The following SLC8A1 variants were observed in gnomAD, a reference collection of about 807,000 sequenced individuals.
SLC8A1 encodes the protein solute carrier family 8 member A1.
SLC8A1 carries 18 observed loss-of-function variants against 68.3 expected under a neutral mutation model. That is an observed-to-expected ratio of 0.26 (90% CI 0.18 to 0.39). The LOEUF is 0.39. SLC8A1 is among the 10% of genes least tolerant of loss of function. The pLI is 1.00. For synonymous variants in SLC8A1, 475 were observed against 415.5 expected (o/e 1.14, Z -1.74); for missense variants, 985 against 1,156.7 (o/e 0.85, Z 2.15).
At chr2:40,472,228 G>A (rs1205568220) in intron 1 of SLC8A1, among the ~76,000 whole-genome samples, 2 of 152,180 alleles carry the variant, frequency 1.3e-5, no homozygotes. Flanking sequence ...ATTGGAAGAT[G>A]TGGATTTAAG....
chr2:40,430,276 T>A lies in SLC8A1; in HGVS notation c.5A>T (p.Tyr2Phe), dbSNP rs115564742. 410 of 1,605,452 alleles carry A rather than the reference T, an allele frequency of 2.6e-4. 3 individuals are homozygous for A. In the African/African-American group the frequency reaches 5.0e-3, roughly 20 times the overall value. The change falls in exon 2 of 8, where the codon TAC becomes TTC. Residue 2 changes from tyrosine (Y) to phenylalanine (F), a missense_variant. Physicochemically the swap from Tyr to Phe is conservative, Grantham distance 22. Coordinates refer to ENST00000406785, the Ensembl canonical transcript of SLC8A1. ...TGAAAGACTTAATCGCCGCATGTTG[T>A]ACATGACACTTCCAACTGTCACAAC...
chr2:40,203,211 T>G (rs996435979), intron 2 of SLC8A1, among the ~76,000 whole-genome samples: 4 of 152,016 alleles, frequency 2.6e-5, no homozygotes, highest in African/African-American at 4.8e-5. Context: ...TGTCACTTAC[T>G]AGAAACTGCA....
chr2:40,507,083 A>G (rs931108955), intron 1 of SLC8A1, among the ~76,000 whole-genome samples: 3 of 152,048 alleles, frequency 2.0e-5, no homozygotes, highest in African/African-American at 7.2e-5. Context: ...AATGTAAGTT[A>G]ATTGTCGAGT....
chr2:40,289,844 G>C (rs1012204795), intron 2 of SLC8A1, among the ~76,000 whole-genome samples: 1 of 151,548 alleles, frequency 6.6e-6, no homozygotes, highest in African/African-American at 2.4e-5. Context: ...TTAGGCGACA[G>C]AGCGAGACTC....
intron 1 of SLC8A1, among the ~76,000 whole-genome samples, chr2:40,466,229 C>A (rs1327081109): frequency 1.3e-5 from 2 of 152,028 alleles, no homozygotes; most frequent in Non-Finnish European, 2.9e-5. Context: ...GTGGCAAGGG[C>A]AGGGGTTGGG....
exon 2 of SLC8A1, chr2:40,430,047 A>T: frequency 1.9e-6 from 3 of 1,613,976 alleles, no homozygotes; most frequent in Non-Finnish European, 2.5e-6. Flanking sequence ...AATACACAGT[A>T]GCTCTAGCAA....
chr2:40,305,914 TA>T (rs2072494644), intron 2 of SLC8A1, among the ~76,000 whole-genome samples: 1 of 152,210 alleles, frequency 6.6e-6, no homozygotes, highest in African/African-American at 2.4e-5. Context: ...AGACAACAAC[TA>T]AGAGGAGCAT....
rs571401270 is a variant in SLC8A1, at chr2:40,127,622, G to A, written c.2437+11779C>T. On this transcript the variant is annotated intron_variant, in intron 7 of 7. Coordinates refer to ENST00000406785, the Ensembl canonical transcript of SLC8A1. ...GTGGGCCTATCTGTGGACCCCAGTG[G>A]GGGTCATTTTAGTCTGGAGCTACAG... 2.0e-5 allele frequency among the ~76,000 whole-genome samples: 3 copies of A among 152,196 alleles called. No individual in the cohort carries two copies. In the East Asian group the frequency reaches 5.8e-4, roughly 29 times the overall value.
chr2:40,173,549 C>A (rs2047931482), intron 4 of SLC8A1, among the ~76,000 whole-genome samples: 1 of 152,196 alleles, frequency 6.6e-6, no homozygotes, highest in African/African-American at 2.4e-5. Flanking sequence ...CATGAAACTG[C>A]ACATATTTAG....
chr2:40,326,999 A>T (rs577800037), intron 2 of SLC8A1, among the ~76,000 whole-genome samples: 1 of 152,220 alleles, frequency 6.6e-6, no homozygotes, highest in South Asian at 2.1e-4. Context: ...GAAACAAAAC[A>T]TTACTTTTGT....
intron 1 of SLC8A1, among the ~76,000 whole-genome samples, chr2:40,462,736 A>G (rs1351680386): frequency 1.3e-5 from 2 of 152,034 alleles, no homozygotes; most frequent in Non-Finnish European, 2.9e-5. Context: ...TTAGCCCAGG[A>G]GTTTGAAGCT....
At chr2:40,136,763 A>G (rs1230053383) in intron 7 of SLC8A1, among the ~76,000 whole-genome samples, 1 of 152,182 alleles carries the variant, frequency 6.6e-6, no homozygotes, top group Admixed American at 6.5e-5. Flanking sequence ...CTGAATCAGC[A>G]GGGTCAAAAA....
At chr2:40,289,758 G>A (rs1230367696) in intron 2 of SLC8A1, among the ~76,000 whole-genome samples, 1 of 152,006 alleles carries the variant, frequency 6.6e-6, no homozygotes, top group Non-Finnish European at 1.5e-5. Context: ...CTACTCAGGA[G>A]GGGAGGAAGG....
intron 2 of SLC8A1, among the ~76,000 whole-genome samples, chr2:40,335,721 C>T (rs1292078878): frequency 2.0e-5 from 3 of 152,218 alleles, no homozygotes; most frequent in African/African-American, 7.2e-5. Context: ...GATCATGAAA[C>T]TGACAAGTGA....
At chr2:40,445,540 A>G (rs1383271728) in intron 1 of SLC8A1, among the ~76,000 whole-genome samples, 3 of 152,208 alleles carry the variant, frequency 2.0e-5, no homozygotes, top group African/African-American at 7.2e-5. Flanking sequence ...GTCTTATAAA[A>G]TCATTTAATT....
At chr2:40,415,452 A>G (rs1171161840) in intron 2 of SLC8A1, among the ~76,000 whole-genome samples, 4 of 152,024 alleles carry the variant, frequency 2.6e-5, no homozygotes, top group South Asian at 2.1e-4. Context: ...AAAACTGCCA[A>G]TGTGGTTTGA....
At chr2:40,302,617 A>G (rs1028936266) in intron 2 of SLC8A1, among the ~76,000 whole-genome samples, 16 of 150,514 alleles carry the variant, frequency 1.1e-4, no homozygotes, top group African/African-American at 3.2e-4. Flanking sequence ...TATATATAAA[A>G]CAATTTCTTT....
rs185886936 is a variant in SLC8A1 at position 40,443,078 on chromosome 2, G to A, written c.-25+8826C>T. Among the ~76,000 whole-genome samples, 23 of 152,188 alleles carry A rather than the reference G, an allele frequency of 1.5e-4. No individual in the cohort carries two copies. In the South Asian group the frequency reaches 3.5e-3, roughly 23 times the overall value. On this transcript the variant is annotated intron_variant, in intron 1 of 7. Transcript: ENST00000406785. ...ATGAGAACACATGGACACAGGGAGG[G>A]GAACAACACACACTGGGGCTTTCTG...
intron 6 of SLC8A1, among the ~76,000 whole-genome samples, chr2:40,159,653 C>G (rs2045303248): frequency 6.6e-6 from 1 of 151,984 alleles, no homozygotes; most frequent in Non-Finnish European, 1.5e-5. Flanking sequence ...AGAGTTTACC[C>G]CTCCTTCTAT....
Sources: gnomAD v4.1 joint callset for allele counts (sites outside exome capture counted in the v4.1 genomes callset) on GRCh38, gnomAD v4.1.1 for gene constraint, MANE v1.5 for transcripts, NCBI Gene and HGNC (gene_info 2026-07-23, HGNC 2026-07-21) for gene names.